BPIFA2: variants seen among roughly 807,000 people sequenced by gnomAD.
BPIFA2 encodes the protein BPI fold containing family A member 2.
In BPIFA2, 20 loss-of-function variants were observed where a neutral mutation model predicts 25.7. The ratio of observed to expected loss-of-function variants is 0.78; its 90% confidence interval spans 0.55 to 1.13. The LOEUF (loss-of-function observed/expected upper bound fraction) is 1.13, where lower values mean the gene tolerates loss of function less well. BPIFA2 is among the 50% of genes most tolerant of loss of function. BPIFA2 has a pLI of 0.00. For missense variants in BPIFA2, 300 were observed against 298.1 expected (o/e 1.01, Z -0.05); for synonymous variants, 126 against 124.3 (o/e 1.01, Z -0.09).
At chr20:33,173,263 C>G (rs1482665952) in intron 3 of BPIFA2, among the ~76,000 whole-genome samples, 187 bp downstream of exon 3, 2 of 152,182 alleles carry the variant, frequency 1.3e-5, no homozygotes. Flanking sequence ...CAGAGTCAAT[C>G]CGGGCATCTT....
At chr20:33,168,347 G>T in intron 1 of BPIFA2, 138 bp downstream of exon 1, 1 of 160,776 alleles carries the variant, frequency 6.2e-6, no homozygotes. Context: ...ATCTCTAAAT[G>T]TGCTCTAAAT....
chr20:33,175,447 G>C lies in BPIFA2; in HGVS notation c.451G>C (p.Asp151His), dbSNP rs748204182. The part of the protein sequence containing the change: ...GQIINLKASL[D>H]LLTAVTIETD... Reference sequence around the variant, plus strand: ...GATTATCAACCTGAAAGCCTCCTTGGACCTCCTGACCGCAGTCACAATTGA... The same window carrying C: ...GATTATCAACCTGAAAGCCTCCTTGCACCTCCTGACCGCAGTCACAATTGA... Residue 151 changes from aspartate to histidine, a missense_variant, in exon 5 of 9, where the codon GAC (aspartate) becomes CAC (histidine). Transcript: ENST00000354932. The C allele has an allele frequency of 6.2e-7, 1 of 1,613,812 alleles. No individual in the cohort carries two copies. Among genetic ancestry groups the C allele is most frequent in the Non-Finnish European group, 8.5e-7 (1 of 1,179,908 alleles).
At chr20:33,176,336 G>T (rs1041203003) in intron 5 of BPIFA2, among the ~76,000 whole-genome samples, 1 of 152,212 alleles carries the variant, frequency 6.6e-6, no homozygotes, top group South Asian at 2.1e-4. Context: ...AGTGATGCTG[G>T]CCGATGGCTG....
intron 1 of BPIFA2, among the ~76,000 whole-genome samples, chr20:33,162,100 C>T (rs565158621): frequency 3.3e-5 from 5 of 152,282 alleles, no homozygotes; most frequent in East Asian, 3.9e-4. Flanking sequence ...CCTGCCTCAG[C>T]CTCCCGAGTA....
chr20:33,172,900 GC>G, intron 2 of BPIFA2, 31 bp from the exon 3 acceptor site: 1 of 1,609,110 alleles, frequency 6.2e-7, no homozygotes, highest in African/African-American at 1.3e-5. Context: ...CGTAAGTGGT[GC>G]GTGACACAAA....
At chr20:33,173,963 A>G in intron 3 of BPIFA2, 116 bp from the exon 4 acceptor site, 3 of 766,118 alleles carry the variant, frequency 3.9e-6, no homozygotes, top group Non-Finnish European at 6.9e-6. Flanking sequence ...TATAGTGAAG[A>G]CTAAAGAAGG....
At chr20:33,173,172 C>T (rs1337877707) in intron 3 of BPIFA2, 96 bp downstream of exon 3, 70 of 1,418,052 alleles carry the variant, frequency 4.9e-5, no homozygotes, top group South Asian at 5.4e-5. Flanking sequence ...GATGGACAAG[C>T]CTCATTCCCC....
rs1300696867 is a variant in BPIFA2, at chr20:33,178,128, A to T, written c.564-19A>T. On this transcript the variant is annotated intron_variant, in intron 5 of 8. Transcript: ENST00000354932. Reference sequence around the variant, plus strand: ...CTTGCCCACTTGACCAGACTTTAATAGTTCCCTGTGTTTTCCAGACACAGC... The same window carrying T: ...CTTGCCCACTTGACCAGACTTTAATTGTTCCCTGTGTTTTCCAGACACAGC... The T allele has an allele frequency of 2.5e-6, 4 of 1,573,050 alleles. No individual in the cohort carries two copies. In the Admixed American group the frequency reaches 6.8e-5, roughly 27 times the overall value.
Position 33,174,093 on chromosome 20 carries a change from A to C in BPIFA2, c.317A>C (p.Asn106Thr). 6.2e-7 allele frequency: 1 copy of C among 1,613,772 alleles called. No individual in the cohort carries two copies. Among genetic ancestry groups the C allele is most frequent in the Non-Finnish European group, 8.5e-7 (1 of 1,179,926 alleles). The change falls in exon 4 of 9, where the codon AAC (asparagine) becomes ACC (threonine). Residue 106 changes from asparagine (N) to threonine (T), a missense_variant. Physicochemically the swap from Asn to Thr is moderately conservative, Grantham distance 65. Transcript: ENST00000354932. ...GTTTCACACAGGTTGAAAATCAGCA[A>C]CTCCCTCATCCTGGATGTCAAAGCT... is the stretch of plus-strand genomic sequence containing the variant. Reference protein sequence around the residue: ...NTDIFGLKISNSLILDVKAEP... With the variant: ...NTDIFGLKISTSLILDVKAEP...
upstream of BPIFA2, among the ~76,000 whole-genome samples, chr20:33,165,828 A>C (rs1353006142): frequency 1.3e-5 from 2 of 152,242 alleles, no homozygotes; most frequent in East Asian, 3.9e-4. Flanking sequence ...TGTAACCTGG[A>C]GAGGGAAGAA....
intron 1 of BPIFA2, among the ~76,000 whole-genome samples, chr20:33,162,295 T>C (rs1333416990): frequency 6.6e-6 from 1 of 152,156 alleles, no homozygotes; most frequent in Admixed American, 6.5e-5. Flanking sequence ...CCATGGTTTT[T>C]ATTCCCCCTT....
At chr20:33,175,911 A>G (rs745358087) in intron 5 of BPIFA2, among the ~76,000 whole-genome samples, 9 of 152,084 alleles carry the variant, frequency 5.9e-5, no homozygotes, top group Non-Finnish European at 1.0e-4. Context: ...GCTCCCCACC[A>G]TAATCATGGA....
intron 2 of BPIFA2, among the ~76,000 whole-genome samples, chr20:33,170,747 T>TGTC: frequency 6.6e-6 from 1 of 152,358 alleles, no homozygotes; most frequent in East Asian, 1.9e-4. Context: ...AAAGACACTT[T>TGTC]GTCCTCCTCC....
At chr20:33,176,719 G>A (rs1984090742) in intron 5 of BPIFA2, among the ~76,000 whole-genome samples, 1 of 152,108 alleles carries the variant, frequency 6.6e-6, no homozygotes, top group Admixed American at 6.6e-5. Context: ...AATCCCAAGT[G>A]CTCCCCATGG....
intron 1 of BPIFA2, 49 bp from the exon 2 acceptor site, chr20:33,169,082 C>T (rs1600596875): frequency 6.8e-7 from 1 of 1,472,666 alleles, no homozygotes; most frequent in East Asian, 2.3e-5. Context: ...CTGAAGAGTC[C>T]ATTTCCCTCT....
intron 8 of BPIFA2, 116 bp downstream of exon 8, chr20:33,180,713 G>A: frequency 1.3e-6 from 1 of 797,294 alleles, no homozygotes; most frequent in East Asian, 2.7e-5. Context: ...GTCATAGATT[G>A]AGCCCTGGCC....
intron 2 of BPIFA2, among the ~76,000 whole-genome samples, chr20:33,169,615 C>A (rs1361791274): frequency 1.3e-5 from 2 of 152,208 alleles, no homozygotes; most frequent in Non-Finnish European, 2.9e-5. Flanking sequence ...TACGAAAGTG[C>A]CTTTTTTCCC....
chr20:33,169,029 C>G (rs1983809278), intron 1 of BPIFA2, 102 bp from the exon 2 acceptor site: 1 of 1,082,654 alleles, frequency 9.2e-7, no homozygotes, highest in Non-Finnish European at 1.3e-6. Flanking sequence ...ATAACCACAT[C>G]TATCTTAATG....
intron 7 of BPIFA2, 92 bp from the exon 8 acceptor site, chr20:33,180,428 T>C: frequency 1.4e-6 from 2 of 1,407,520 alleles, no homozygotes; most frequent in South Asian, 1.2e-5. Context: ...AACTGTCAGG[T>C]TACCGGCTGG....
Sources: allele counts gnomAD v4.1 joint callset (sites outside exome capture counted in the v4.1 genomes callset), GRCh38; gene constraint gnomAD v4.1.1; transcripts MANE v1.5; gene names NCBI Gene and HGNC (gene_info 2026-07-23, HGNC 2026-07-21).